The following ATG14 variants were observed in gnomAD, a reference collection of about 807,000 sequenced individuals.
The protein encoded by ATG14 is autophagy related 14, also known as beclin 1-associated autophagy-related key regulator.
ATG14 carries 35 observed loss-of-function variants against 60.4 expected under a neutral mutation model. That is an observed-to-expected ratio of 0.58 (90% confidence interval 0.44 to 0.77). The LOEUF (loss-of-function observed/expected upper bound fraction) is 0.77. Among genes scored for constraint, ATG14 ranks in the 30% least tolerant of loss-of-function variants. ATG14 has a pLI of 0.00. For missense variants in ATG14, 647 were observed against 626.3 expected (o/e 1.03, Z -0.35); for synonymous variants, 234 against 228.8 (o/e 1.02, Z -0.21).
At chr14:55,395,882 G>T in intron 3 of ATG14, 58 bp downstream of exon 3, 2 of 1,249,246 alleles carry the variant, frequency 1.6e-6, no homozygotes, top group Non-Finnish European at 2.2e-6. Context: ...AATTTTATAA[G>T]CTCTACCAAC....
chr14:55,396,734 G>A (rs1169528735), intron 2 of ATG14, among the ~76,000 whole-genome samples: 5 of 152,122 alleles, frequency 3.3e-5, no homozygotes, highest in Non-Finnish European at 5.9e-5. Flanking sequence ...AAACCTCTAG[G>A]GTGCATCTAG....
intron 1 of ATG14, among the ~76,000 whole-genome samples, chr14:55,400,971 C>A (rs957850893): frequency 2.0e-5 from 3 of 149,816 alleles, no homozygotes; most frequent in African/African-American, 7.5e-5. Flanking sequence ...ACTGCTTAGT[C>A]AAAGAATATT....
At chr14:55,378,914 CCCAGGCTGGTCT>C (rs1415645815) in intron 7 of ATG14, among the ~76,000 whole-genome samples, 1 of 151,984 alleles carries the variant, frequency 6.6e-6, no homozygotes, top group Non-Finnish European at 1.5e-5. Flanking sequence ...CACTATGTTT[CCCAGGCTGGTCT>C]CTAACTCCTG....
At chr14:55,382,992 AT>A (rs1885061250) in intron 5 of ATG14, among the ~76,000 whole-genome samples, 1 of 152,246 alleles carries the variant, frequency 6.6e-6, no homozygotes, top group South Asian at 2.1e-4. Flanking sequence ...ACTGTTTTAC[AT>A]TTTTTAAACT....
At chr14:55,377,725 G>A in intron 9 of ATG14, 94 bp downstream of exon 9, 1 of 830,714 alleles carries the variant, frequency 1.2e-6, no homozygotes, top group Non-Finnish European at 1.8e-6. Flanking sequence ...TGAGGAGTTT[G>A]GGATTAGGGA....
chr14:55,404,251 G>A (rs1265076426), intron 1 of ATG14, among the ~76,000 whole-genome samples: 3 of 152,186 alleles, frequency 2.0e-5, no homozygotes, highest in Non-Finnish European at 4.4e-5. Flanking sequence ...CTTGGCTCTG[G>A]CTGAAAGTAG....
At chr14:55,401,679 T>C (rs1885402026) in intron 1 of ATG14, among the ~76,000 whole-genome samples, 1 of 152,176 alleles carries the variant, frequency 6.6e-6, no homozygotes, top group Non-Finnish European at 1.5e-5. Context: ...AGGTACTCCC[T>C]TAAACTGACT....
chr14:55,395,903 G>A (rs749126322), intron 3 of ATG14, 37 bp downstream of exon 3: 3 of 1,448,128 alleles, frequency 2.1e-6, no homozygotes, highest in Admixed American at 2.4e-5. Context: ...TTAAAAACAT[G>A]TAGCCTCAAG....
intron 1 of ATG14, among the ~76,000 whole-genome samples, chr14:55,405,229 C>G (rs1885470438): frequency 6.6e-6 from 1 of 152,116 alleles, no homozygotes; most frequent in African/African-American, 2.4e-5. Context: ...CAGTGGCTGA[C>G]AAACAAAAAT....
At position 55,369,910 on chromosome 14, in the gene ATG14, T is replaced by C; in HGVS notation, c.1188A>G (p.Glu396=). The stretch of plus-strand genomic sequence containing the variant: ...TGGACTCCTCAAGGTCTGCTCGTAC[T>C]TCAAAGGGCCCTGACCTGTGTGCAG... ...SEHLGRSGPF[E]VRADLEESME... Residue 396 remains glutamate (E), a synonymous_variant, in exon 10 of 10, where the codon GAA becomes GAG. Coordinates refer to ENST00000247178, the MANE Select transcript of ATG14 (RefSeq NM_014924.5). The C allele has an allele frequency of 6.2e-7, 1 of 1,611,092 alleles. No homozygotes were observed. The highest frequency in any genetic ancestry group is 8.5e-7 in the Non-Finnish European group (1 of 1,178,040).
At chr14:55,383,420 G>A (rs1885068533) in intron 5 of ATG14, among the ~76,000 whole-genome samples, 4 of 151,890 alleles carry the variant, frequency 2.6e-5, no homozygotes. Context: ...GCGTGGTGGT[G>A]GGTGCCTGTA....
At chr14:55,411,151 A>G (rs1885564695) in intron 1 of ATG14, among the ~76,000 whole-genome samples, 2 of 152,240 alleles carry the variant, frequency 1.3e-5, no homozygotes, top group South Asian at 4.1e-4. Context: ...GTGACAGACT[A>G]CCAGGCCCAA....
intron 1 of ATG14, 132 bp from the exon 2 acceptor site, chr14:55,397,566 T>A (rs1885333461): frequency 1.4e-6 from 1 of 723,322 alleles, no homozygotes; most frequent in Non-Finnish European, 2.4e-6. Context: ...TAAATACACG[T>A]CTTCTCAACG....
At chr14:55,407,528 G>T (rs1048069610) in intron 1 of ATG14, among the ~76,000 whole-genome samples, 1 of 152,222 alleles carries the variant, frequency 6.6e-6, no homozygotes, top group African/African-American at 2.4e-5. Flanking sequence ...GCCTCCCAAA[G>T]TGCTGGGATT....
chr14:55,398,010 C>A (rs183297185), intron 1 of ATG14, among the ~76,000 whole-genome samples: 1 of 132,676 alleles, frequency 7.5e-6, no homozygotes, highest in Non-Finnish European at 1.5e-5. Context: ...TGTAGTGGTG[C>A]GATCTTGGCT....
At chr14:55,410,444 G>A (rs1885553580) in intron 1 of ATG14, among the ~76,000 whole-genome samples, 1 of 152,130 alleles carries the variant, frequency 6.6e-6, no homozygotes, top group African/African-American at 2.4e-5. Flanking sequence ...AATTTTTAAA[G>A]CTATCACTTA....
chr14:55,411,236 T>C (rs1277994558), intron 1 of ATG14, among the ~76,000 whole-genome samples: 1 of 152,182 alleles, frequency 6.6e-6, no homozygotes, highest in African/African-American at 2.4e-5. Flanking sequence ...CTTTCGAAAA[T>C]AGAAAGCCAA....
At chr14:55,391,290 A>G (rs941811657) in intron 3 of ATG14, 13 of 203,662 alleles carry the variant, frequency 6.4e-5, no homozygotes, top group African/African-American at 3.1e-4. Flanking sequence ...CCTGGCCAAC[A>G]TGGTGAAACC....
chr14:55,378,099 A>G (rs776194701), intron 7 of ATG14, 25 bp from the exon 8 acceptor site: 5 of 1,598,470 alleles, frequency 3.1e-6, no homozygotes, highest in Non-Finnish European at 4.3e-6. Context: ...TACAATTTAT[A>G]AAGTTGCATT....
Sources: allele counts gnomAD v4.1 joint callset (sites outside exome capture counted in the v4.1 genomes callset), GRCh38; gene constraint gnomAD v4.1.1; transcripts MANE v1.5; gene names NCBI Gene and HGNC (gene_info 2026-07-23, HGNC 2026-07-21).